Variants in EPB41L5 observed in about 807,000 individuals in gnomAD.
EPB41L5 encodes the protein band 4.1-like protein 5.
Under a neutral mutation model 106.6 loss-of-function variants are expected in EPB41L5, and 55 were observed. The ratio of observed to expected loss-of-function variants is 0.52; its 90% CI spans 0.42 to 0.65. The LOEUF (loss-of-function observed/expected upper bound fraction) is 0.65, where lower values mean the gene tolerates loss of function less well. Ranked by LOEUF, EPB41L5 falls within the 30% of genes least tolerant of loss-of-function variation. The pLI is 0.00. For synonymous variants in EPB41L5, 297 were observed against 306.7 expected, an observed-to-expected ratio of 0.97 and a Z score of 0.33; for missense variants, 871 against 882.1, an observed-to-expected ratio of 0.99 and a Z score of 0.16.
rs568890329 is a variant in EPB41L5 at position 120,097,274 on chromosome 2, C to T, written c.1179-2970C>T. On this transcript the variant is annotated intron_variant, in intron 14 of 24. Transcript: ENST00000263713. Reference sequence around the variant, plus strand: ...CTGAAGGTTATTGAGCACCACCCATCGCAGTGCTTGAGAAAACCTGAGCTC... The same window carrying T: ...CTGAAGGTTATTGAGCACCACCCATTGCAGTGCTTGAGAAAACCTGAGCTC... Among the ~76,000 whole-genome samples, 19 of 152,242 alleles carry T rather than the reference C, an allele frequency of 1.2e-4. 1 individual carries two copies. In the South Asian group the frequency reaches 3.7e-3, roughly 30 times the overall value.
chr2:120,108,724 A>G (rs1004201192), intron 16 of EPB41L5, among the ~76,000 whole-genome samples: 6 of 152,146 alleles, frequency 3.9e-5, no homozygotes, highest in Non-Finnish European at 8.8e-5. Context: ...AGCCCCACCA[A>G]TAGCTTCAGG....
At chr2:120,112,266 C>G (rs1437059882) in intron 16 of EPB41L5, among the ~76,000 whole-genome samples, 1 of 152,164 alleles carries the variant, frequency 6.6e-6, no homozygotes, top group Non-Finnish European at 1.5e-5. Context: ...ATGGGTTTCT[C>G]AGGACATAAC....
In EPB41L5 at chr2:120,068,685, T is replaced by C. The variant is rs148897771; in HGVS notation, c.286-4493T>C. 7.7e-3 allele frequency among the ~76,000 whole-genome samples: 1,167 copies of C among 152,266 alleles called. 12 individuals are homozygous for C. The highest frequency in any genetic ancestry group is 0.027 in the African/African-American group (1,107 of 41,540). ...AATGTAAACGGGCTAAATGTCCCAATTAAAAGACACAGACTGGCAAGTTGG... is the reference window on the plus strand; with the variant it reads ...AATGTAAACGGGCTAAATGTCCCAACTAAAAGACACAGACTGGCAAGTTGG... On this transcript the variant is annotated intron_variant, in intron 3 of 24. Coordinates refer to ENST00000263713, the MANE Select transcript of EPB41L5 (RefSeq NM_020909.4).
intron 3 of EPB41L5, 128 bp downstream of exon 3, chr2:120,042,238 C>T (rs907740135): frequency 5.5e-6 from 3 of 545,326 alleles, no homozygotes; most frequent in Non-Finnish European, 9.6e-6. Context: ...GACACCGCTC[C>T]CTCCCCCCAC....
At chr2:120,169,890 T>TGAAA (rs1687595363) in intron 24 of EPB41L5, among the ~76,000 whole-genome samples, 1 of 152,168 alleles carries the variant, frequency 6.6e-6, no homozygotes, top group Admixed American at 6.5e-5. Context: ...ATGGCTAAAA[T>TGAAA]GAAAGACACA....
chr2:120,074,272 T>C, intron 5 of EPB41L5, 94 bp downstream of exon 5: 1 of 897,482 alleles, frequency 1.1e-6, no homozygotes, highest in South Asian at 1.7e-5. Context: ...GCTAATAAAA[T>C]GGATTCCTGT....
At chr2:120,025,237 C>A (rs565744787) in intron 2 of EPB41L5, among the ~76,000 whole-genome samples, 6 of 152,220 alleles carry the variant, frequency 3.9e-5, no homozygotes, top group East Asian at 1.9e-4. Flanking sequence ...GTGTATGTGT[C>A]CAGGAATTTA....
At chr2:120,107,506 C>T (rs1187749476) in intron 16 of EPB41L5, among the ~76,000 whole-genome samples, 1 of 152,040 alleles carries the variant, frequency 6.6e-6, no homozygotes, top group Non-Finnish European at 1.5e-5. Flanking sequence ...GTTGTGAATG[C>T]TTGTATGTGA....
chr2:120,097,817 AT>A (rs1683856541), intron 14 of EPB41L5, among the ~76,000 whole-genome samples: 1 of 152,270 alleles, frequency 6.6e-6, no homozygotes, highest in Non-Finnish European at 1.5e-5. Context: ...GAAAGAATGT[AT>A]ATAATTATCA....
At chr2:120,169,783 A>C (rs948348036) in intron 24 of EPB41L5, among the ~76,000 whole-genome samples, 3 of 152,256 alleles carry the variant, frequency 2.0e-5, no homozygotes, top group African/African-American at 7.2e-5. Flanking sequence ...ACCAATATCC[A>C]AATGGCCAGT....
chr2:120,051,714 A>G (rs1327186239), intron 3 of EPB41L5, among the ~76,000 whole-genome samples: 1 of 152,178 alleles, frequency 6.6e-6, no homozygotes, highest in Non-Finnish European at 1.5e-5. Flanking sequence ...AACAAGCCCC[A>G]GTGAGATGAA....
At chr2:120,171,961 T>C (rs1687693568) in intron 24 of EPB41L5, among the ~76,000 whole-genome samples, 1 of 151,546 alleles carries the variant, frequency 6.6e-6, no homozygotes, top group Non-Finnish European at 1.5e-5. Context: ...TCATAGTATC[T>C]GAATTTAGAG....
chr2:120,069,747 T>A (rs1681728647), intron 3 of EPB41L5, among the ~76,000 whole-genome samples: 1 of 152,058 alleles, frequency 6.6e-6, no homozygotes, highest in South Asian at 2.1e-4. Flanking sequence ...AAGGCAGAAA[T>A]CAGTAAGTTC....
intron 2 of EPB41L5, among the ~76,000 whole-genome samples, chr2:120,027,697 G>A (rs1339776633): frequency 1.3e-5 from 2 of 151,972 alleles, no homozygotes; most frequent in Non-Finnish European, 2.9e-5. Flanking sequence ...CACATGCCAC[G>A]GTGCCTGGCT....
chr2:120,038,126 A>G (rs1382561928), intron 2 of EPB41L5, among the ~76,000 whole-genome samples: 1 of 152,236 alleles, frequency 6.6e-6, no homozygotes, highest in African/African-American at 2.4e-5. Context: ...CGAACCAGAT[A>G]TATGATAAGA....
At chr2:120,017,249 G>A (rs1677586333) in intron 1 of EPB41L5, among the ~76,000 whole-genome samples, 2 of 152,172 alleles carry the variant, frequency 1.3e-5, no homozygotes, top group African/African-American at 4.8e-5. Flanking sequence ...TGACCTGTTG[G>A]CTTGCTGTTA....
At chr2:120,087,306 C>T in intron 11 of EPB41L5, 66 bp downstream of exon 11, 2 of 954,898 alleles carry the variant, frequency 2.1e-6, no homozygotes, top group Non-Finnish European at 3.3e-6. Flanking sequence ...ACTTATTTCT[C>T]TAAAAGAGGG....
rs1354195385 is a variant in EPB41L5, at chr2:120,177,004, G to A, written c.*2097G>A. 1 of 152,168 alleles carries A rather than the reference G, an allele frequency of 6.6e-6. No homozygotes were observed. The highest frequency in any genetic ancestry group is 2.4e-5 in the African/African-American group (1 of 41,434). The allele number at this position is 152,168 out of a possible 1,614,324, so 9.4% of individuals were successfully genotyped here. A position where few individuals can be genotyped will look rare whatever the true frequency, so the allele number is the denominator to read the frequency against. On this transcript the variant is annotated 3_prime_UTR_variant, in exon 25 of 25. Coordinates refer to ENST00000263713, the MANE Select transcript of EPB41L5 (RefSeq NM_020909.4). ...AAGCTCAGAGGAAACTTTGTCTCAT[G>A]CCCTGACATGAAGTGGCAAACACGG...
In EPB41L5 at chr2:120,018,975, A is replaced by G. The variant is rs148041939; in HGVS notation, c.-8-102A>G. The G allele has an allele frequency of 1.6e-5, 16 of 1,020,664 alleles. No homozygotes were observed. The East Asian group carries it at 2.7e-4, about 17-fold the overall frequency. The allele number at this position is 1,020,664 out of a possible 1,614,324, so 63.2% of individuals were successfully genotyped here. On this transcript the variant is annotated intron_variant, in intron 1 of 24. Transcript: ENST00000263713. Reference sequence around the variant, plus strand: ...TGTCCTTTTTAGTAGCATTTCTACTAATGTTCACAGGACTTGACTAAATAA... The same window carrying G: ...TGTCCTTTTTAGTAGCATTTCTACTGATGTTCACAGGACTTGACTAAATAA...
Sources: allele counts gnomAD v4.1 joint callset (sites outside exome capture counted in the v4.1 genomes callset), GRCh38; gene constraint gnomAD v4.1.1; transcripts MANE v1.5; gene names NCBI Gene and HGNC (gene_info 2026-07-23, HGNC 2026-07-21).